The following EMILIN2 variants were observed in gnomAD, a reference collection of about 807,000 sequenced individuals.
The protein encoded by EMILIN2 is EMILIN-2.
Under a neutral mutation model 87.1 loss-of-function variants are expected in EMILIN2, and 71 were observed. The ratio of observed to expected loss-of-function variants is 0.82; its 90% confidence interval spans 0.67 to 0.99. The LOEUF (loss-of-function observed/expected upper bound fraction) is 0.99, where lower values mean the gene tolerates loss of function less well. EMILIN2 is among the 50% of genes least tolerant of loss of function. The pLI, the probability that EMILIN2 is intolerant of heterozygous loss-of-function variation, is 0.00. For missense variants in EMILIN2, 1,407 were observed against 1,371.8 expected, an observed-to-expected ratio of 1.03 and a Z score of -0.40; for synonymous variants, 581 against 563.4, an observed-to-expected ratio of 1.03 and a Z score of -0.44.
rs191044705 is a variant in EMILIN2 at position 2,915,428 on chromosome 18, G to A, written c.*2024G>A. 6.6e-6 allele frequency: 1 copy of A among 152,332 alleles called. No homozygotes were observed. The highest frequency in any genetic ancestry group is 1.9e-4 in the East Asian group (1 of 5,180). The allele number at this position is 152,332 out of a possible 1,614,324, so 9.4% of individuals were successfully genotyped here. The stretch of plus-strand genomic sequence containing the variant: ...TGAGCTTAAGGCTGTGGGGTTCGAA[G>A]CAGCCCTTCAAGAAGTCATCACCCC... On this transcript the variant is annotated 3_prime_UTR_variant, in exon 8 of 8. Transcript: ENST00000254528.
In EMILIN2 at chr18:2,892,181, T is replaced by A. The variant is rs1318796931; in HGVS notation, c.2054T>A (p.Leu685Gln). 3.1e-6 allele frequency: 5 copies of A among 1,606,390 alleles called. No homozygotes were observed. The East Asian group carries it at 1.1e-4, about 36-fold the overall frequency. The change falls in exon 4 of 8, where the codon CTG becomes CAG. Residue 685 changes from leucine to glutamine, a missense_variant. Coordinates refer to ENST00000254528, the MANE Select transcript of EMILIN2 (RefSeq NM_032048.3). ...TTGCAGAGCCAGGTCATCTCGGAGC[T>A]GGATGCTTGTAAGGAATGCACGCAG... Reference protein sequence around the residue: ...QRLQSQVISELDACKECTQGV... With the variant: ...QRLQSQVISEQDACKECTQGV...
intron 2 of EMILIN2, among the ~76,000 whole-genome samples, chr18:2,866,770 A>T (rs1236088156): frequency 2.0e-5 from 3 of 152,186 alleles, no homozygotes; most frequent in African/African-American, 4.8e-5. Context: ...TCCTTGTCTT[A>T]TTCCAGTTCT....
intron 4 of EMILIN2, among the ~76,000 whole-genome samples, chr18:2,900,757 G>A (rs2076885023): frequency 6.6e-6 from 1 of 152,212 alleles, no homozygotes; most frequent in South Asian, 2.1e-4. Context: ...GTGATGGTAT[G>A]GGGTTATTTC....
At chr18:2,882,048 G>C (rs558853771) in intron 2 of EMILIN2, among the ~76,000 whole-genome samples, 21 of 152,354 alleles carry the variant, frequency 1.4e-4, no homozygotes, top group African/African-American at 5.1e-4. Context: ...GCTGTGTGGG[G>C]TGCAGGGAGG....
At chr18:2,908,809 C>G in intron 5 of EMILIN2, 134 bp from the exon 6 acceptor site, 1 of 1,063,784 alleles carries the variant, frequency 9.4e-7, no homozygotes, top group South Asian at 1.3e-5. Flanking sequence ...AGTGGGTGCC[C>G]TTGTTCTATG....
Position 2,914,156 on chromosome 18 carries a change from A to G in EMILIN2, c.*752A>G, listed in dbSNP as rs1598509767. 1 of 152,638 alleles carries G rather than the reference A, an allele frequency of 6.6e-6. No individual in the cohort carries two copies. The highest frequency in any genetic ancestry group is 1.9e-4 in the East Asian group (1 of 5,200). 9.5% of individuals were successfully genotyped at this position (152,638 alleles called of 1,614,324 possible). On this transcript the variant is annotated 3_prime_UTR_variant, in exon 8 of 8. Transcript: ENST00000254528. ...CAAACTGAAGAAATGTTTTGTTTCA[A>G]AAAGGGCTACAGAAAGTAACCTTGA...
intron 2 of EMILIN2, among the ~76,000 whole-genome samples, chr18:2,875,444 T>C (rs2076742650): frequency 6.6e-6 from 1 of 152,150 alleles, no homozygotes; most frequent in Non-Finnish European, 1.5e-5. Context: ...TGTTTCAGAA[T>C]GGGATAGTAT....
chr18:2,857,263 C>T (rs528641580), intron 2 of EMILIN2, among the ~76,000 whole-genome samples: 3 of 152,320 alleles, frequency 2.0e-5, no homozygotes, highest in African/African-American at 4.8e-5. Flanking sequence ...TTTGCTGAGA[C>T]TTTGCAGCTT....
intron 2 of EMILIN2, among the ~76,000 whole-genome samples, chr18:2,866,249 A>G (rs2076686246): frequency 6.6e-6 from 1 of 152,186 alleles, no homozygotes; most frequent in East Asian, 1.9e-4. Context: ...CCGATACCTC[A>G]GTTGGAAATG....
chr18:2,909,242 GGGGATCAC>G (rs767874308), intron 6 of EMILIN2, among the ~76,000 whole-genome samples: 3 of 152,200 alleles, frequency 2.0e-5, no homozygotes, highest in Non-Finnish European at 4.4e-5. Context: ...AGTTTCCCAA[GGGGATCAC>G]TGGGTGGGCC....
upstream of EMILIN2, chr18:2,846,724 C>T (rs963931538): frequency 5.1e-6 from 5 of 984,284 alleles, no homozygotes; most frequent in African/African-American, 1.7e-5. The surrounding 1 kb of genome is among the most constrained non-coding windows in gnomAD (Gnocchi z 5.3). Context: ...CCCGGGGGGC[C>T]GGGAGCGAGC....
At chr18:2,888,578 G>T (rs2144031761) in intron 3 of EMILIN2, among the ~76,000 whole-genome samples, 1 of 152,096 alleles carries the variant, frequency 6.6e-6, no homozygotes, top group Non-Finnish European at 1.5e-5. Flanking sequence ...AGCCGGGCAT[G>T]GTGGTGGGCA....
intron 2 of EMILIN2, among the ~76,000 whole-genome samples, chr18:2,864,797 T>C (rs989488093): frequency 5.9e-5 from 9 of 152,220 alleles, no homozygotes; most frequent in Admixed American, 2.0e-4. Context: ...TCCTGGATAA[T>C]ATCCTGCAGA....
chr18:2,862,410 C>G (rs1219857066), intron 2 of EMILIN2, among the ~76,000 whole-genome samples: 1 of 152,204 alleles, frequency 6.6e-6, no homozygotes, highest in East Asian at 1.9e-4. Flanking sequence ...TACGTCCCAT[C>G]AATACCTAAA....
chr18:2,891,383 T>C lies in EMILIN2; in HGVS notation c.1256T>C (p.Val419Ala). The C allele has an allele frequency of 6.2e-7, 1 of 1,613,846 alleles. No homozygotes were observed. Among genetic ancestry groups the C allele is most frequent in the African/African-American group, 1.3e-5 (1 of 74,938 alleles). ...ACATTGGACCAGAAAATCGAGAGAG[T>C]TGCTGAAGCCACCAGAATGCTGAAT... ...IKTLDQKIER[V>A]AEATRMLNGR... Residue 419 changes from valine to alanine, a missense_variant, in exon 4 of 8, where the codon GTT (valine) becomes GCT (alanine). Physicochemically the swap from Val to Ala is moderately conservative, Grantham distance 64. Transcript: ENST00000254528. This position sits in a 1 kb window ranked among gnomAD's most constrained non-coding sequence, Gnocchi z 4.6.
intron 3 of EMILIN2, among the ~76,000 whole-genome samples, chr18:2,889,966 T>C (rs1395369255): frequency 6.6e-6 from 1 of 152,254 alleles, no homozygotes; most frequent in East Asian, 1.9e-4. Context: ...GGCTAAACAA[T>C]GTCTGTGAGA....
At chr18:2,854,338 G>A (rs1352831585) in intron 2 of EMILIN2, among the ~76,000 whole-genome samples, 1 of 152,188 alleles carries the variant, frequency 6.6e-6, no homozygotes, top group Non-Finnish European at 1.5e-5. Context: ...CTGAGATAAG[G>A]CCTGCCAGGA....
In EMILIN2 at chr18:2,914,572, T is replaced by A. The variant is rs940274078; in HGVS notation, c.*1168T>A. On this transcript the variant is annotated 3_prime_UTR_variant, in exon 8 of 8. Coordinates refer to ENST00000254528, the MANE Select transcript of EMILIN2 (RefSeq NM_032048.3). ...TCTGTCACCAGTGGCCACGGAGACC[T>A]CTCAGCACCCTTAGTTCAAGGTAGT... 2.0e-5 allele frequency: 3 copies of A among 152,104 alleles called. No individual in the cohort carries two copies. The highest frequency in any genetic ancestry group is 4.4e-5 in the Non-Finnish European group (3 of 68,032). 9.4% of individuals were successfully genotyped at this position (152,104 alleles called of 1,614,324 possible). A position where few individuals can be genotyped will look rare whatever the true frequency, so the allele number is the denominator to read the frequency against.
chr18:2,898,029 G>T (rs188935780), intron 4 of EMILIN2, among the ~76,000 whole-genome samples: 13 of 152,256 alleles, frequency 8.5e-5, no homozygotes, highest in African/African-American at 3.1e-4. Flanking sequence ...GTGTAGCCAC[G>T]GAGTTGAGCC....
Sources: allele counts gnomAD v4.1 joint callset (sites outside exome capture counted in the v4.1 genomes callset), GRCh38; gene constraint gnomAD v4.1.1; non-coding constraint Gnocchi (gnomAD v3.1); transcripts MANE v1.5; gene names NCBI Gene and HGNC (gene_info 2026-07-23, HGNC 2026-07-21).